The following SPATA9 variants were observed in gnomAD, a reference collection of about 807,000 sequenced individuals.
The protein encoded by SPATA9 is spermatogenesis-associated protein 9.
A neutral mutation model predicts 25.5 loss-of-function variants in SPATA9; 27 were observed. The ratio of observed to expected loss-of-function variants is 1.06; its 90% CI spans 0.78 to 1.46. The LOEUF (loss-of-function observed/expected upper bound fraction) is 1.46, where lower values mean the gene tolerates loss of function less well. Ranked by LOEUF, SPATA9 falls within the 40% of genes most tolerant of loss-of-function variation. The pLI is 0.00. For synonymous variants in SPATA9, 102 were observed against 105.7 expected, an observed-to-expected ratio of 0.97 and a Z score of 0.21; for missense variants, 282 against 297.5, an observed-to-expected ratio of 0.95 and a Z score of 0.38.
chr5:95,689,097 T>A (rs1441307645), intron 1 of SPATA9, among the ~76,000 whole-genome samples: 1 of 152,202 alleles, frequency 6.6e-6, no homozygotes, highest in Non-Finnish European at 1.5e-5. Flanking sequence ...CACTGCATTT[T>A]AAAAACTGTA....
chr5:95,654,097 G>A, downstream of SPATA9: 1 of 1,611,782 alleles, frequency 6.2e-7, no homozygotes, highest in Non-Finnish European at 8.5e-7. Flanking sequence ...ATCCTGAAAA[G>A]AGGGAATATT....
At chr5:95,698,371 G>C (rs906755253) in intron 1 of SPATA9, among the ~76,000 whole-genome samples, 1 of 152,178 alleles carries the variant, frequency 6.6e-6, no homozygotes, top group African/African-American at 2.4e-5. Flanking sequence ...TCTGTGAAGG[G>C]AGCCAGTCTG....
chr5:95,715,368 AGACAT>A, the SPATA9 span, among the ~76,000 whole-genome samples: 1 of 152,172 alleles, frequency 6.6e-6, no homozygotes, highest in Non-Finnish European at 1.5e-5. Context: ...GGCCAAGACA[AGACAT>A]ATTTTTCAAA....
At chr5:95,661,746 A>G (rs904623374) in intron 4 of SPATA9, among the ~76,000 whole-genome samples, 4 of 152,048 alleles carry the variant, frequency 2.6e-5, no homozygotes, top group African/African-American at 9.7e-5. Context: ...AGTAAGTTCT[A>G]CCTTTTTTCA....
At chr5:95,671,396 A>C (rs1195185980) in intron 3 of SPATA9, among the ~76,000 whole-genome samples, 1 of 152,048 alleles carries the variant, frequency 6.6e-6, no homozygotes, top group African/African-American at 2.4e-5. Context: ...GATTTTGCAT[A>C]TCAGGTTTTC....
intron 3 of SPATA9, among the ~76,000 whole-genome samples, chr5:95,668,134 G>A (rs1449923091): frequency 6.6e-6 from 1 of 152,108 alleles, no homozygotes; most frequent in Non-Finnish European, 1.5e-5. Flanking sequence ...TGCAAGAATG[G>A]ACTAGTACGG....
the SPATA9 span, among the ~76,000 whole-genome samples, chr5:95,718,858 G>A: frequency 6.6e-6 from 1 of 152,170 alleles, no homozygotes; most frequent in South Asian, 2.1e-4. Context: ...GGAGGATCAA[G>A]AGTTAGGAGG....
At chr5:95,700,425 G>C (rs995547292), upstream of SPATA9, among the ~76,000 whole-genome samples, 3 of 151,998 alleles carry the variant, frequency 2.0e-5, no homozygotes, top group Non-Finnish European at 4.4e-5. Context: ...TCAGCCTCCA[G>C]AGTAGCTGGG....
upstream of SPATA9, among the ~76,000 whole-genome samples, chr5:95,684,268 T>C (rs893708677): frequency 5.9e-5 from 9 of 152,216 alleles, no homozygotes; most frequent in Non-Finnish European, 1.3e-4. Flanking sequence ...TGAAATACTT[T>C]ATCTGTCCTA....
At chr5:95,692,437 C>G (rs1181568257) in intron 1 of SPATA9, among the ~76,000 whole-genome samples, 1 of 151,964 alleles carries the variant, frequency 6.6e-6, no homozygotes, top group Non-Finnish European at 1.5e-5. Context: ...CTAAGAAATA[C>G]TCATGCAAAA....
At chr5:95,680,328 G>A (rs1159702080) in intron 2 of SPATA9, among the ~76,000 whole-genome samples, 2 of 152,168 alleles carry the variant, frequency 1.3e-5, no homozygotes, top group Admixed American at 6.5e-5. Context: ...ACCATTATTG[G>A]TGAATGAGGG....
chr5:95,726,791 G>T, the SPATA9 span, among the ~76,000 whole-genome samples: 1 of 152,140 alleles, frequency 6.6e-6, no homozygotes, highest in Non-Finnish European at 1.5e-5. Context: ...ACTGCAACAT[G>T]TGGCAATATA....
chr5:95,652,836 A>C, downstream of SPATA9: 1 of 379,322 alleles, frequency 2.6e-6, no homozygotes. Context: ...CACCTTTTTC[A>C]TGGACCCCTA....
chr5:95,695,232 T>G (rs1184822532), intron 1 of SPATA9, among the ~76,000 whole-genome samples: 2 of 152,226 alleles, frequency 1.3e-5, no homozygotes, highest in Non-Finnish European at 2.9e-5. Flanking sequence ...TCCTGAATAA[T>G]GTCCTGCAGC....
the SPATA9 span, among the ~76,000 whole-genome samples, chr5:95,714,607 T>C: frequency 6.6e-6 from 1 of 152,006 alleles, no homozygotes; most frequent in South Asian, 2.1e-4. Context: ...GAAAATTTGT[T>C]TGTAGTGAGT....
downstream of SPATA9, chr5:95,656,430 T>A (rs1302962693): frequency 4.2e-6 from 3 of 721,328 alleles, no homozygotes; most frequent in African/African-American, 1.8e-5. Context: ...AAAATTCACA[T>A]ACATTTGAGA....
At chr5:95,722,271 C>T in the SPATA9 span, among the ~76,000 whole-genome samples, 7,270 of 152,108 alleles carry the variant, frequency 0.048, 593 homozygotes, top group African/African-American at 0.16. Flanking sequence ...TATAGCAATA[C>T]TGAACAAAAT....
intron 4 of SPATA9, 59 bp from the exon 5 acceptor site, chr5:95,658,972 T>G (rs755952406): frequency 7.9e-6 from 12 of 1,528,378 alleles, no homozygotes; most frequent in Non-Finnish European, 1.1e-5. Flanking sequence ...AACCACAGAT[T>G]AAAAACATAC....
the SPATA9 span, among the ~76,000 whole-genome samples, chr5:95,707,210 A>G: frequency 1.3e-5 from 2 of 152,222 alleles, no homozygotes; most frequent in South Asian, 2.1e-4. Context: ...AAGAACTACT[A>G]AAGGAGGAAT....
Sources: gnomAD v4.1 joint callset for allele counts (sites outside exome capture counted in the v4.1 genomes callset) on GRCh38, gnomAD v4.1.1 for gene constraint, MANE v1.5 for transcripts, NCBI Gene and HGNC (gene_info 2026-07-23, HGNC 2026-07-21) for gene names.